Variants in DCP1A observed in about 807,000 individuals in gnomAD.
DCP1A encodes decapping mRNA 1A.
Under a neutral mutation model 58.0 loss-of-function variants are expected in DCP1A, and 20 were observed. The observed-to-expected ratio is 0.34, with a 90% CI of 0.24 to 0.50. The LOEUF is 0.50. DCP1A is among the 20% of genes least tolerant of loss of function. The probability of loss-of-function intolerance (pLI) is 0.98; values close to 1 mark genes in which losing one functional copy is unlikely to be tolerated. For synonymous variants in DCP1A, 285 were observed against 275.1 expected (o/e 1.04, Z -0.36); for missense variants, 613 against 712.2 (o/e 0.86, Z 1.59).
intron 1 of DCP1A, among the ~76,000 whole-genome samples, chr3:53,346,965 G>A (rs1024274628): frequency 1.7e-4 from 26 of 152,150 alleles, no homozygotes; most frequent in African/African-American, 5.8e-4. Context: ...CAGGGGGAGA[G>A]GAGGAGTGTT....
intron 3 of DCP1A, among the ~76,000 whole-genome samples, chr3:53,322,720 C>T (rs1708004176): frequency 6.6e-6 from 1 of 151,850 alleles, no homozygotes; most frequent in African/African-American, 2.4e-5. Flanking sequence ...ATGTGTCCCA[C>T]AAGTGGTGCA....
At chr3:53,344,967 GT>G (rs781939329) in intron 1 of DCP1A, 25 bp from the exon 2 acceptor site, 54 of 1,589,600 alleles carry the variant, frequency 3.4e-5, no homozygotes, top group African/African-American at 2.6e-4. Context: ...GACTCAATTA[GT>G]TTTTTTTCCC....
At chr3:53,319,572 C>T in intron 3 of DCP1A, 99 bp from the exon 4 acceptor site, 1 of 673,754 alleles carries the variant, frequency 1.5e-6, no homozygotes, top group Non-Finnish European at 2.5e-6. Context: ...ACTAAATGTA[C>T]CATCAGACCC....
chr3:53,293,355 C>CA, intron 6 of DCP1A, among the ~76,000 whole-genome samples: 1 of 152,276 alleles, frequency 6.6e-6, no homozygotes, highest in East Asian at 1.9e-4. Context: ...GTAAGCCTGA[C>CA]AATTTAAAAT....
At chr3:53,298,350 A>G (rs1707198494) in intron 6 of DCP1A, among the ~76,000 whole-genome samples, 1 of 152,226 alleles carries the variant, frequency 6.6e-6, no homozygotes, top group Non-Finnish European at 1.5e-5. Flanking sequence ...GCGAGGCCAG[A>G]CAGATTCTCT....
Position 53,284,091 on chromosome 3 carries a change from A to G in DCP1A, c.*3489T>C, listed in dbSNP as rs1338760173. The G allele has an allele frequency of 6.6e-6, 1 of 152,148 alleles. No homozygotes were observed. The highest frequency in any genetic ancestry group is 2.4e-5 in the African/African-American group (1 of 41,438). The allele number at this position is 152,148 out of a possible 1,614,324, so 9.4% of individuals were successfully genotyped here. A position where few individuals can be genotyped will look rare whatever the true frequency, so the allele number is the denominator to read the frequency against. On this transcript the variant is annotated 3_prime_UTR_variant, in exon 10 of 10. Coordinates refer to ENST00000610213, the MANE Select transcript of DCP1A (RefSeq NM_018403.7). ...AACTGAAGGGAGGCAAGAAAGAAAA[A>G]CATACTCTGCAGCAAACGTGCAGCC...
chr3:53,326,526 G>A (rs540134126), intron 3 of DCP1A, among the ~76,000 whole-genome samples: 3 of 152,316 alleles, frequency 2.0e-5, no homozygotes, highest in African/African-American at 7.2e-5. Flanking sequence ...ACAGCAGAAG[G>A]TGAGTGGCAG....
rs782157688 is a variant in DCP1A at position 53,292,491 on chromosome 3, T to C, written c.961A>G (p.Thr321Ala). Residue 321 changes from threonine to alanine, a missense_variant, in exon 7 of 10, where the codon ACT becomes GCT. Transcript: ENST00000610213. ...TIPLSPVLSP[T>A]LPAEAPTAQV... is the part of the protein sequence containing the mutation. ...GCAGTAGGAGCTTCAGCTGGCAGAG[T>C]GGGACTGAGAACAGGGCTCAACGGG... 12 of 1,613,542 alleles carry C rather than the reference T, an allele frequency of 7.4e-6. No homozygotes were observed. Among genetic ancestry groups the C allele is most frequent in the African/African-American group, 5.3e-5 (4 of 74,798 alleles).
chr3:53,316,454 G>T (rs2106844674), intron 4 of DCP1A, among the ~76,000 whole-genome samples: 1 of 151,834 alleles, frequency 6.6e-6, no homozygotes, highest in East Asian at 1.9e-4. Context: ...TTTGAGATGG[G>T]ATCTCACTAT....
intron 5 of DCP1A, among the ~76,000 whole-genome samples, chr3:53,311,141 C>A (rs548827537): frequency 6.6e-6 from 1 of 152,258 alleles, no homozygotes; most frequent in South Asian, 2.1e-4. Flanking sequence ...AAGCTTTTTT[C>A]AGGATCACTG....
At chr3:53,330,231 T>C (rs571530969) in intron 3 of DCP1A, among the ~76,000 whole-genome samples, 2 of 152,256 alleles carry the variant, frequency 1.3e-5, no homozygotes, top group South Asian at 4.1e-4. Flanking sequence ...TAGTAGCACA[T>C]TTCATTAAGA....
intron 3 of DCP1A, among the ~76,000 whole-genome samples, chr3:53,341,863 T>C (rs12491493): frequency 6.6e-6 from 1 of 151,830 alleles, no homozygotes; most frequent in Non-Finnish European, 1.5e-5. Flanking sequence ...TTTTAGTAGA[T>C]ACGGGGTTTC....
intron 3 of DCP1A, among the ~76,000 whole-genome samples, chr3:53,335,885 C>A (rs539932523): frequency 1.4e-4 from 22 of 152,138 alleles, no homozygotes; most frequent in African/African-American, 5.3e-4. Context: ...AGCGCAGTGG[C>A]GTGATCATGG....
Position 53,292,837 on chromosome 3 carries a change from A to G in DCP1A, c.625-10T>C. 1 of 1,593,740 alleles carries G rather than the reference A, an allele frequency of 6.3e-7. No individual in the cohort carries two copies. Among genetic ancestry groups the G allele is most frequent in the Non-Finnish European group, 8.5e-7 (1 of 1,174,764 alleles). ...GTCCAGATGGAGCAGACTGAAAAAC[A>G]AATGAAACCACCCAGTCAAAGAGGT... On this transcript the variant is annotated splice_polypyrimidine_tract_variant and intron_variant, in intron 6 of 9. Transcript: ENST00000610213.
intron 3 of DCP1A, among the ~76,000 whole-genome samples, chr3:53,326,976 A>AC (rs369209976): frequency 0.047 from 4,669 of 99,324 alleles, 246 homozygotes; most frequent in African/African-American, 0.14. Context: ...GACATGTCCA[A>AC]CCCCCCCCCC....
intron 3 of DCP1A, 73 bp from the exon 4 acceptor site, chr3:53,319,546 T>C (rs1354724944): frequency 1.1e-6 from 1 of 914,900 alleles, no homozygotes; most frequent in African/African-American, 1.7e-5. Context: ...AATAATATAT[T>C]ATCATCATGG....
At chr3:53,300,156 A>G (rs1335023608) in intron 6 of DCP1A, among the ~76,000 whole-genome samples, 1 of 152,036 alleles carries the variant, frequency 6.6e-6, no homozygotes, top group Non-Finnish European at 1.5e-5. Context: ...TACAGGTGTG[A>G]GCCTCCATGC....
intron 3 of DCP1A, chr3:53,338,248 C>T (rs1162881412): frequency 5.7e-6 from 2 of 348,600 alleles, no homozygotes; most frequent in East Asian, 1.5e-4. Flanking sequence ...CCACTGGGGT[C>T]TTGTGACTGC....
At chr3:53,339,606 C>T (rs368661250) in intron 3 of DCP1A, among the ~76,000 whole-genome samples, 18 of 152,242 alleles carry the variant, frequency 1.2e-4, no homozygotes, top group African/African-American at 4.1e-4. Flanking sequence ...CTTCCACACA[C>T]GAACTATAAA....
Sources: allele counts gnomAD v4.1 joint callset (sites outside exome capture counted in the v4.1 genomes callset), GRCh38; gene constraint gnomAD v4.1.1; transcripts MANE v1.5; gene names NCBI Gene and HGNC (gene_info 2026-07-23, HGNC 2026-07-21).